Variants in GRM8 observed in about 807,000 individuals in gnomAD.
GRM8 encodes the protein glutamate metabotropic receptor 8.
Under a neutral mutation model 87.2 loss-of-function variants are expected in GRM8, and 47 were observed. That is an observed-to-expected ratio of 0.54 (90% CI 0.43 to 0.69). GRM8 has a LOEUF of 0.69. Among genes scored for constraint, GRM8 ranks in the 30% least tolerant of loss-of-function variants. GRM8 has a pLI of 0.00. For synonymous variants in GRM8, 396 were observed against 404.5 expected, an observed-to-expected ratio of 0.98 and a Z score of 0.25; for missense variants, 1,019 against 1,139.2, an observed-to-expected ratio of 0.89 and a Z score of 1.52.
intron 3 of GRM8, among the ~76,000 whole-genome samples, chr7:126,967,103 A>C (rs993220662): frequency 1.3e-5 from 2 of 152,178 alleles, no homozygotes; most frequent in African/African-American, 4.8e-5. Context: ...CTATATTAGG[A>C]TCATGGGTGA....
At chr7:126,778,970 G>T (rs571535768) in intron 6 of GRM8, among the ~76,000 whole-genome samples, 1 of 151,838 alleles carries the variant, frequency 6.6e-6, no homozygotes, top group Non-Finnish European at 1.5e-5. Context: ...TTGGTGTGGC[G>T]TCTTACATTT....
chr7:126,947,681 C>T (rs540832647), intron 3 of GRM8, among the ~76,000 whole-genome samples: 1 of 152,148 alleles, frequency 6.6e-6, no homozygotes, highest in East Asian at 1.9e-4. Context: ...GTGAAACAAG[C>T]CCCGAGGCCT....
At chr7:126,449,621 T>C (rs1563018250) in intron 9 of GRM8, among the ~76,000 whole-genome samples, 1 of 151,838 alleles carries the variant, frequency 6.6e-6, no homozygotes, top group Non-Finnish European at 1.5e-5. Flanking sequence ...CACTTCAATG[T>C]AGACAGAATA....
At chr7:126,916,275 C>T (rs1463891619) in intron 3 of GRM8, among the ~76,000 whole-genome samples, 7 of 152,218 alleles carry the variant, frequency 4.6e-5, no homozygotes, top group African/African-American at 7.2e-5. Context: ...AGCAGTTAAA[C>T]ACCCCAGTGT....
intron 3 of GRM8, among the ~76,000 whole-genome samples, chr7:127,072,637 T>TA (rs1821823896): frequency 6.6e-6 from 1 of 151,674 alleles, no homozygotes; most frequent in South Asian, 2.1e-4. Context: ...TATTATACTT[T>TA]TTTTTTTTTT....
At chr7:127,032,534 T>A (rs559593700) in intron 3 of GRM8, among the ~76,000 whole-genome samples, 2 of 152,160 alleles carry the variant, frequency 1.3e-5, no homozygotes, top group African/African-American at 4.8e-5. Context: ...CTGCTCCTTA[T>A]AGAAAATTGA....
chr7:126,647,681 G>T (rs1333977284), intron 7 of GRM8, among the ~76,000 whole-genome samples: 4 of 152,092 alleles, frequency 2.6e-5, no homozygotes, highest in Non-Finnish European at 4.4e-5. Flanking sequence ...ATCATTGAAA[G>T]CTCTCTCTTT....
intron 2 of GRM8, among the ~76,000 whole-genome samples, chr7:127,236,306 C>T (rs751986684): frequency 1.3e-5 from 2 of 152,150 alleles, no homozygotes; most frequent in Non-Finnish European, 2.9e-5. Flanking sequence ...CTTCTTTCTC[C>T]GCTTCTCCCT....
chr7:126,941,630 A>G (rs183325797), intron 3 of GRM8, among the ~76,000 whole-genome samples: 57 of 151,986 alleles, frequency 3.8e-4, no homozygotes, highest in South Asian at 3.1e-3. Context: ...AAAAAAAAAA[A>G]AAAGAAAGAA....
At chr7:127,249,993 T>C (rs1798776928) in intron 1 of GRM8, among the ~76,000 whole-genome samples, 1 of 152,064 alleles carries the variant, frequency 6.6e-6, no homozygotes, top group Non-Finnish European at 1.5e-5. Context: ...TCCCCCCAAC[T>C]AAAGCAAGGT....
chr7:126,849,882 A>C (rs1489334895), intron 6 of GRM8, among the ~76,000 whole-genome samples: 1 of 152,060 alleles, frequency 6.6e-6, no homozygotes, highest in African/African-American at 2.4e-5. Flanking sequence ...CACGGCCCCA[A>C]CAGTACTTTC....
intron 2 of GRM8, among the ~76,000 whole-genome samples, chr7:127,171,672 A>G (rs964279621): frequency 5.3e-5 from 8 of 152,234 alleles, no homozygotes; most frequent in African/African-American, 1.9e-4. Context: ...TTGCACATTT[A>G]ATAGACTATA....
intron 7 of GRM8, among the ~76,000 whole-genome samples, chr7:126,696,637 TAAG>T (rs751919088): frequency 2.6e-5 from 4 of 152,122 alleles, no homozygotes; most frequent in Non-Finnish European, 4.4e-5. Flanking sequence ...TCTCATGAAA[TAAG>T]AAACTGGAAC....
At chr7:126,793,399 G>T (rs1821582999) in intron 6 of GRM8, among the ~76,000 whole-genome samples, 2 of 152,110 alleles carry the variant, frequency 1.3e-5, no homozygotes, top group South Asian at 4.1e-4. Flanking sequence ...ATCAGCACAG[G>T]CCACTTAAAA....
chr7:126,533,344 C>A lies in GRM8; in HGVS notation c.2038G>T (p.Gly680Trp), dbSNP rs780480970. 1.2e-6 allele frequency: 2 copies of A among 1,613,630 alleles called. No individual in the cohort carries two copies. Among genetic ancestry groups the A allele is most frequent in the East Asian group, 4.5e-5 (2 of 44,876 alleles). Reference sequence around the variant, plus strand: ...TTGGGCGCTGTGACAGATTTCTTCCCCTGCTCAAATATTCGGTGGATACGG... The same window carrying A: ...TTGGGCGCTGTGACAGATTTCTTCCACTGCTCAAATATTCGGTGGATACGG... ...TNRIHRIFEQGKKSVTAPKFI... is the reference protein window; with the variant it reads ...TNRIHRIFEQWKKSVTAPKFI... The change falls in exon 9 of 11, where the codon GGG (glycine) becomes TGG (tryptophan). Residue 680 changes from glycine to tryptophan, a missense_variant. Gly to Trp is a radical substitution (Grantham distance 184). Transcript: ENST00000339582.
chr7:126,744,250 G>C (rs756920295), intron 7 of GRM8, among the ~76,000 whole-genome samples: 5 of 151,976 alleles, frequency 3.3e-5, no homozygotes, highest in Non-Finnish European at 7.4e-5. Flanking sequence ...GTTTTTTCTT[G>C]AAGAAACGAC....
chr7:127,237,118 C>A (rs1798026715), intron 2 of GRM8, among the ~76,000 whole-genome samples: 1 of 152,204 alleles, frequency 6.6e-6, no homozygotes, highest in African/African-American at 2.4e-5. Context: ...AAAGAGATTA[C>A]CAAGTCTCCA....
At chr7:126,974,782 A>G (rs1810783150) in intron 3 of GRM8, among the ~76,000 whole-genome samples, 1 of 152,022 alleles carries the variant, frequency 6.6e-6, no homozygotes, top group African/African-American at 2.4e-5. Context: ...AAATATTTTA[A>G]AAAATTGGCC....
chr7:126,825,273 A>G (rs1794656553), intron 6 of GRM8, among the ~76,000 whole-genome samples: 1 of 152,066 alleles, frequency 6.6e-6, no homozygotes, highest in Non-Finnish European at 1.5e-5. Context: ...TCACCATGCT[A>G]GCCAGGATGG....
Sources: allele counts gnomAD v4.1 joint callset (sites outside exome capture counted in the v4.1 genomes callset), GRCh38; gene constraint gnomAD v4.1.1; transcripts MANE v1.5; gene names NCBI Gene and HGNC (gene_info 2026-07-23, HGNC 2026-07-21).